SPNS1: variants seen among roughly 807,000 people sequenced by gnomAD.
The protein encoded by SPNS1 is protein spinster homolog 1.
SPNS1 carries 22 observed loss-of-function variants against 50.3 expected under a neutral mutation model. The observed-to-expected ratio is 0.44, with a 90% confidence interval of 0.31 to 0.62. The LOEUF is 0.62. Among genes scored for constraint, SPNS1 ranks in the 20% least tolerant of loss-of-function variants. The pLI is 0.07. For missense variants in SPNS1, 576 were observed against 728.6 expected (o/e 0.79, Z 2.41); for synonymous variants, 295 against 317.4 (o/e 0.93, Z 0.75).
At position 28,984,279 on chromosome 16, in the gene SPNS1, G is replaced by A. The variant is rs777259938; in HGVS notation, c.1567G>A (p.Val523Met). The change falls in exon 12 of 12, where the codon GTG becomes ATG. Residue 523 changes from valine to methionine, a missense_variant. Physicochemically the swap from Val to Met is conservative, Grantham distance 21. This residue lies in a region of SPNS1 where 428 missense variants were observed against 520.1 expected (regional missense o/e 0.82). Transcript: ENST00000311008. Reference protein sequence around the residue: ...PQRGRSTRVPVASVLI With the variant: ...PQRGRSTRVPMASVLI ...GCGGGGCCGCTCCACCCGCGTGCCC[G>A]TGGCCAGTGTGCTCATCTGAGAGGC... is the stretch of plus-strand genomic sequence containing the variant. The A allele has an allele frequency of 1.5e-5, 24 of 1,612,378 alleles. No homozygotes were observed. The highest frequency in any genetic ancestry group is 3.3e-5 in the South Asian group (3 of 91,032).
chr16:28,984,165 G>A (rs1458700194), intron 11 of SPNS1, 40 bp from the exon 12 acceptor site: 1 of 1,526,120 alleles, frequency 6.6e-7, no homozygotes, highest in Admixed American at 2.1e-5. Flanking sequence ...TTGTCTGTCT[G>A]TCCATCCAGC....
chr16:28,983,961 A>T lies in SPNS1; in HGVS notation c.1492+4A>T. 1 of 1,561,036 alleles carries T rather than the reference A, an allele frequency of 6.4e-7. No individual in the cohort carries two copies. ...CGGGCACAGCTGCACGTGCAGGGTC[A>T]GTTAGGAGCTGTGCCCGGCCCAGCT... On this transcript the variant is annotated splice_donor_region_variant and intron_variant, in intron 11 of 11. Coordinates refer to ENST00000311008, the MANE Select transcript of SPNS1 (RefSeq NM_032038.3). This position sits in a 1 kb window ranked among gnomAD's most constrained non-coding sequence, Gnocchi z 5.4.
In SPNS1 at chr16:28,979,309, G is replaced by C; in HGVS notation, c.596+3G>C. 3 of 1,614,194 alleles carry C rather than the reference G, an allele frequency of 1.9e-6. No individual in the cohort carries two copies. Among genetic ancestry groups the C allele is most frequent in the Non-Finnish European group, 2.5e-6 (3 of 1,180,030 alleles). ...TACTTTGCCATTCCGGTGGGCAGGT[G>C]AGTGGGCCTGGGGCCTGGGGGAAGG... On this transcript the variant is annotated splice_donor_region_variant and intron_variant, in intron 4 of 11. Transcript: ENST00000311008.
chr16:28,984,253 A>G lies in SPNS1; in HGVS notation c.1541A>G (p.Gln514Arg), dbSNP rs1965676125. ...ACAGACGACCGGATTGTGGTGCCCC[A>G]GCGGGGCCGCTCCACCCGCGTGCCC... ...GSTDDRIVVPQRGRSTRVPVA... is the reference protein window; with the variant it reads ...GSTDDRIVVPRRGRSTRVPVA... The change falls in exon 12 of 12, where the codon CAG (glutamine) becomes CGG (arginine). Residue 514 changes from glutamine (Q) to arginine (R), a missense_variant. By Grantham distance (43) the Gln-to-Arg change is conservative (BLOSUM62 1). Coordinates refer to ENST00000311008, the MANE Select transcript of SPNS1 (RefSeq NM_032038.3). 2 of 1,611,064 alleles carry G rather than the reference A, an allele frequency of 1.2e-6. No individual in the cohort carries two copies. The highest frequency in any genetic ancestry group is 1.7e-6 in the Non-Finnish European group (2 of 1,178,836).
chr16:28,980,412 T>G (rs1222323406), intron 5 of SPNS1: 2 of 152,054 alleles, frequency 1.3e-5, no homozygotes. Context: ...CTTACGGGTG[T>G]GAGCCATGCG....
In SPNS1 at chr16:28,974,828, C is replaced by T. The variant is rs1474997392; in HGVS notation, c.-324C>T. 1 of 1,535,724 alleles carries T rather than the reference C, an allele frequency of 6.5e-7. No homozygotes were observed. The highest frequency in any genetic ancestry group is 8.7e-7 in the Non-Finnish European group (1 of 1,146,588). On this transcript the variant is annotated 5_prime_UTR_variant, in exon 1 of 12. Transcript: ENST00000311008. The stretch of plus-strand genomic sequence containing the variant: ...CGGCTGCCGTGGTGCAGCGCCCGGG[C>T]TGAGCGACAGCAAGTGCAGCGGGCT...
Position 28,981,941 on chromosome 16 carries a change from G to T in SPNS1, c.850G>T (p.Ala284Ser), listed in dbSNP as rs1264136768. 6.2e-7 allele frequency: 1 copy of T among 1,614,082 alleles called. No homozygotes were observed. The highest frequency in any genetic ancestry group is 8.5e-7 in the Non-Finnish European group (1 of 1,180,048). The change falls in exon 7 of 12, where the codon GCC becomes TCC. Residue 284 changes from alanine to serine, a missense_variant. Physicochemically the swap from Ala to Ser is moderately conservative, Grantham distance 99. Coordinates refer to ENST00000311008, the MANE Select transcript of SPNS1 (RefSeq NM_032038.3). The surrounding 1 kb of genome is among the most constrained non-coding windows in gnomAD (Gnocchi z 4.2). ...VLSSLGFTAV[A>S]FVTGSLALWA... The stretch of plus-strand genomic sequence containing the variant: ...GTCTTCCCTGGGCTTCACTGCTGTG[G>T]CCTTTGTCACGGGCTCCCTGGCTCT...
chr16:28,979,222 C>T lies in SPNS1; in HGVS notation c.512C>T (p.Ala171Val), dbSNP rs1215292527. The change falls in exon 4 of 12, where the codon GCG becomes GTG. Residue 171 changes from alanine to valine, a missense_variant. Ala to Val is a moderately conservative substitution (Grantham distance 64). Coordinates refer to ENST00000311008, the MANE Select transcript of SPNS1 (RefSeq NM_032038.3). ...GVGEASYSTI[A>V]PTLIADLFVA... ...GGGGAGGCCAGTTATTCCACCATCGCGCCCACTCTCATTGCCGACCTCTTT... is the reference window on the plus strand; with the variant it reads ...GGGGAGGCCAGTTATTCCACCATCGTGCCCACTCTCATTGCCGACCTCTTT... The T allele has an allele frequency of 8.1e-6, 13 of 1,614,040 alleles. No homozygotes were observed. Among genetic ancestry groups the T allele is most frequent in the East Asian group, 2.2e-5 (1 of 44,894 alleles).
Position 28,979,478 on chromosome 16 carries a change from C to T in SPNS1, c.663+7C>T. 1 of 1,614,008 alleles carries T rather than the reference C, an allele frequency of 6.2e-7. No homozygotes were observed. The highest frequency in any genetic ancestry group is 8.5e-7 in the Non-Finnish European group (1 of 1,179,976). On this transcript the variant is annotated splice_region_variant and intron_variant, in intron 5 of 11. Transcript: ENST00000311008. ...CTGGCACTGGGCTCTGAGGGTGAGTCTGGTCTTGGCCTGGGGGTAGGTCAG... is the reference window on the plus strand; with the variant it reads ...CTGGCACTGGGCTCTGAGGGTGAGTTTGGTCTTGGCCTGGGGGTAGGTCAG...
rs2141666211 is a variant in SPNS1, at chr16:28,978,111, TTGGAGCTATG to T, written c.444+68_444+77del. 1.9e-6 allele frequency: 3 copies of T among 1,573,412 alleles called. No individual in the cohort carries two copies. The African/African-American group carries it at 4.0e-5, about 21-fold the overall frequency. On this transcript the variant is annotated intron_variant, in intron 3 of 11. Transcript: ENST00000311008. ...CCCTGTCAGTCTCTGCTGCTGCTCC[TTGGAGCTATG>T]GCAGACTGGGCCTCAGGGACTCCTG...
At chr16:28,979,705 C>T in intron 5 of SPNS1, 1 of 529,136 alleles carries the variant, frequency 1.9e-6, no homozygotes, top group South Asian at 2.2e-5. Flanking sequence ...TGCCCGCCAC[C>T]ATGCCTGGCT....
chr16:28,975,426 G>A (rs767336697), intron 1 of SPNS1, 34 bp downstream of exon 1: 5 of 1,614,238 alleles, frequency 3.1e-6, no homozygotes, highest in Non-Finnish European at 4.2e-6. Context: ...AGATAGTCTA[G>A]GAGAGGGGAG....
chr16:28,976,446 G>T (rs972421419), intron 2 of SPNS1, among the ~76,000 whole-genome samples: 13 of 152,116 alleles, frequency 8.5e-5, no homozygotes, highest in Non-Finnish European at 1.9e-4. Flanking sequence ...TGTGTGCCAG[G>T]CCTGGAGGAA....
intron 3 of SPNS1, 94 bp from the exon 4 acceptor site, chr16:28,979,061 G>GCCAT: frequency 6.8e-7 from 1 of 1,480,778 alleles, no homozygotes; most frequent in Admixed American, 2.0e-5. Flanking sequence ...GGCATCTCCC[G>GCCAT]CCATCCCTGC....
rs1239205159 is a variant in SPNS1, at chr16:28,975,370, C to T, written c.219C>T (p.Tyr73=). The T allele has an allele frequency of 6.2e-7, 1 of 1,607,286 alleles. No homozygotes were observed. The highest frequency in any genetic ancestry group is 1.7e-5 in the Admixed American group (1 of 59,812). The part of the protein sequence containing the change: ...AVLCYINLLN[Y]MDRFTVAGVL... Reference sequence around the variant, plus strand: ...TGTGCTACATCAATCTCCTGAACTACATGGACCGCTTCACCGTGGCTGGTA... The same window carrying T: ...TGTGCTACATCAATCTCCTGAACTATATGGACCGCTTCACCGTGGCTGGTA... Residue 73 remains tyrosine, a synonymous_variant, in exon 1 of 12, where the codon TAC becomes TAT. Transcript: ENST00000311008.
In SPNS1 at chr16:28,977,848, G is replaced by A. The variant is rs896156837; in HGVS notation, c.308-60G>A. 14 of 1,590,634 alleles carry A rather than the reference G, an allele frequency of 8.8e-6. No individual in the cohort carries two copies. In the South Asian group the frequency reaches 1.6e-4, roughly 18 times the overall value. On this transcript the variant is annotated intron_variant, in intron 2 of 11. Coordinates refer to ENST00000311008, the MANE Select transcript of SPNS1 (RefSeq NM_032038.3). The stretch of plus-strand genomic sequence containing the variant: ...CTCCTGTGCTTTAGTGGTTCCAGCT[G>A]GGGTGGGAGTGGGAGGTAGGGGTAC...
chr16:28,981,943 C>A lies in SPNS1; in HGVS notation c.852C>A (p.Ala284=), dbSNP rs1412940435. The A allele has an allele frequency of 2.5e-6, 4 of 1,614,250 alleles. No individual in the cohort carries two copies. The highest frequency in any genetic ancestry group is 2.5e-6 in the Non-Finnish European group (3 of 1,180,054). The change falls in exon 7 of 12, where the codon GCC becomes GCA. Residue 284 remains alanine (A), a synonymous_variant. Transcript: ENST00000311008. The surrounding 1 kb of genome is among the most constrained non-coding windows in gnomAD (Gnocchi z 4.2). The part of the protein sequence containing the change: ...VLSSLGFTAV[A]FVTGSLALWA... Reference sequence around the variant, plus strand: ...CTTCCCTGGGCTTCACTGCTGTGGCCTTTGTCACGGGCTCCCTGGCTCTGT... The same window carrying A: ...CTTCCCTGGGCTTCACTGCTGTGGCATTTGTCACGGGCTCCCTGGCTCTGT...
At chr16:28,979,341 G>A (rs771596458) in intron 4 of SPNS1, 35 bp downstream of exon 4, 1 of 1,614,100 alleles carries the variant, frequency 6.2e-7, no homozygotes, top group East Asian at 2.2e-5. Context: ...AAGGCAGAAG[G>A]GCCTGGTGTG....
chr16:28,975,540 C>G lies in SPNS1; in HGVS notation c.290C>G (p.Ser97Cys). 1 of 1,614,224 alleles carries G rather than the reference C, an allele frequency of 6.2e-7. No individual in the cohort carries two copies. Among genetic ancestry groups the G allele is most frequent in the African/African-American group, 1.3e-5 (1 of 75,066 alleles). ...EQFFNIGDSS[S>C]GLIQTVFISS... ...TTCTTCAACATCGGGGACAGTAGCTCTGGGCTCATCCAGACCGGTGAGTGG... is the reference window on the plus strand; with the variant it reads ...TTCTTCAACATCGGGGACAGTAGCTGTGGGCTCATCCAGACCGGTGAGTGG... Residue 97 changes from serine (S) to cysteine (C), a missense_variant, in exon 2 of 12, where the codon TCT becomes TGT. This residue lies in a region of SPNS1 where 144 missense variants were observed against 181.2 expected (regional missense o/e 0.79). Coordinates refer to ENST00000311008, the MANE Select transcript of SPNS1 (RefSeq NM_032038.3).
Sources: allele counts gnomAD v4.1 joint callset (sites outside exome capture counted in the v4.1 genomes callset), GRCh38; gene constraint gnomAD v4.1.1; regional missense constraint gnomAD v4.1.1; non-coding constraint Gnocchi (gnomAD v3.1); transcripts MANE v1.5; gene names NCBI Gene and HGNC (gene_info 2026-07-23, HGNC 2026-07-21).